Variants in SGCZ observed in about 807,000 individuals in gnomAD.
SGCZ encodes zeta-sarcoglycan.
A neutral mutation model predicts 41.3 loss-of-function variants in SGCZ; 40 were observed. That is an observed-to-expected ratio of 0.97 (90% confidence interval 0.75 to 1.26). The LOEUF is 1.26. SGCZ is among the 50% of genes most tolerant of loss of function. The pLI is 0.00. For missense variants in SGCZ, 552 were observed against 369.8 expected, an observed-to-expected ratio of 1.49 and a Z score of -4.04; for synonymous variants, 206 against 137.5, an observed-to-expected ratio of 1.50 and a Z score of -3.49.
chr8:14,886,554 G>C (rs567124348), intron 1 of SGCZ, among the ~76,000 whole-genome samples: 1 of 152,134 alleles, frequency 6.6e-6, no homozygotes, highest in Admixed American at 6.5e-5. Flanking sequence ...GGCTGGGGGA[G>C]GGAAGAAGAG....
intron 2 of SGCZ, among the ~76,000 whole-genome samples, chr8:14,436,364 G>A (rs923806177): frequency 6.6e-6 from 1 of 152,106 alleles, no homozygotes; most frequent in Non-Finnish European, 1.5e-5. Flanking sequence ...TTTGTTCTTC[G>A]CATGAACTTT....
chr8:14,623,754 T>A (rs1424345083), intron 1 of SGCZ, among the ~76,000 whole-genome samples: 1 of 152,136 alleles, frequency 6.6e-6, no homozygotes, highest in Non-Finnish European at 1.5e-5. Context: ...AGTTGAGATG[T>A]CACCGGGGTG....
intron 1 of SGCZ, among the ~76,000 whole-genome samples, chr8:15,196,009 T>C (rs1800717634): frequency 7.1e-6 from 1 of 140,458 alleles, no homozygotes; most frequent in South Asian, 2.4e-4. Flanking sequence ...GCCATTCTCC[T>C]GCCTCAGCCT....
chr8:14,634,132 T>A (rs1379671709), intron 1 of SGCZ, among the ~76,000 whole-genome samples: 1 of 151,848 alleles, frequency 6.6e-6, no homozygotes, highest in Admixed American at 6.6e-5. Context: ...GATATTCTAT[T>A]TCAGAAAAAA....
intron 1 of SGCZ, among the ~76,000 whole-genome samples, chr8:14,671,435 G>T (rs918083606): frequency 6.6e-6 from 1 of 152,126 alleles, no homozygotes; most frequent in Non-Finnish European, 1.5e-5. Flanking sequence ...AGTTTGAAAA[G>T]TATTACATAT....
chr8:14,948,907 C>G (rs1298487484), intron 1 of SGCZ, among the ~76,000 whole-genome samples: 1 of 151,582 alleles, frequency 6.6e-6, no homozygotes, highest in East Asian at 1.9e-4. Context: ...CAAAATTCCC[C>G]TTGAAAGCCA....
chr8:14,217,112 C>G (rs528511890), intron 4 of SGCZ, among the ~76,000 whole-genome samples: 1 of 152,000 alleles, frequency 6.6e-6, no homozygotes, highest in East Asian at 1.9e-4. Flanking sequence ...ACAGTTAAAC[C>G]CTGTCTATAC....
At chr8:14,741,392 A>T (rs144388560) in intron 1 of SGCZ, among the ~76,000 whole-genome samples, 10 of 152,240 alleles carry the variant, frequency 6.6e-5, no homozygotes, top group Admixed American at 1.3e-4. Context: ...AGCCTCTTAC[A>T]CATATTTTTC....
chr8:14,698,648 CATATT>C (rs1348489352), intron 1 of SGCZ, among the ~76,000 whole-genome samples: 2 of 151,860 alleles, frequency 1.3e-5, no homozygotes, highest in Non-Finnish European at 2.9e-5. Flanking sequence ...ATAATCATGA[CATATT>C]ATATCCTAAT....
Position 14,904,017 on chromosome 8 carries a change from A to G in SGCZ, c.39+333568T>C, listed in dbSNP as rs1375819516. Among the ~76,000 whole-genome samples, 6 of 152,048 alleles carry G rather than the reference A, an allele frequency of 3.9e-5. No individual in the cohort carries two copies. The East Asian group carries it at 1.2e-3, about 29-fold the overall frequency. ...ATTCAATAATGTTAGATGAGCTACA[A>G]AAAAATTTTAAAAGTCAACTAAAGG... On this transcript the variant is annotated intron_variant, in intron 1 of 7. Transcript: ENST00000382080.
chr8:14,291,553 G>T (rs561930550), intron 3 of SGCZ, among the ~76,000 whole-genome samples: 43 of 151,994 alleles, frequency 2.8e-4, no homozygotes, highest in African/African-American at 8.7e-4. Context: ...TATCTTAGCT[G>T]TCTATACTCT....
rs189389807 is a variant in SGCZ at position 14,679,174 on chromosome 8, C to T, written c.40-124248G>A. Among the ~76,000 whole-genome samples the T allele has an allele frequency of 2.6e-4, 39 of 152,252 alleles. No individual in the cohort carries two copies. In the East Asian group the frequency reaches 6.2e-3, roughly 24 times the overall value. On this transcript the variant is annotated intron_variant, in intron 1 of 7. Transcript: ENST00000382080. ...ATAATATATCACATACAATTACTTA[C>T]AATACATAATACTTGATAATGATAA...
chr8:14,093,514 G>T (rs1801751200), intron 7 of SGCZ, among the ~76,000 whole-genome samples: 1 of 151,984 alleles, frequency 6.6e-6, no homozygotes, highest in Admixed American at 6.6e-5. Flanking sequence ...AATAGCAAAA[G>T]CACTATGGCC....
intron 1 of SGCZ, among the ~76,000 whole-genome samples, chr8:14,754,946 G>A (rs776506203): frequency 8.6e-5 from 13 of 152,012 alleles, no homozygotes; most frequent in Non-Finnish European, 1.8e-4. Context: ...GCCCAGAATG[G>A]TCTCAATTCC....
intron 2 of SGCZ, among the ~76,000 whole-genome samples, chr8:14,418,416 G>T (rs562568155): frequency 3.3e-5 from 5 of 151,904 alleles, no homozygotes; most frequent in Non-Finnish European, 7.4e-5. Context: ...GAATTAGTTT[G>T]TGAGAGAAAC....
chr8:14,439,581 A>G (rs1158845624), intron 2 of SGCZ, among the ~76,000 whole-genome samples: 1 of 151,950 alleles, frequency 6.6e-6, no homozygotes, highest in Non-Finnish European at 1.5e-5. Flanking sequence ...GACATTCACC[A>G]TTAATAAACA....
intron 1 of SGCZ, among the ~76,000 whole-genome samples, chr8:15,047,127 A>G (rs1804335764): frequency 1.3e-5 from 2 of 152,058 alleles, no homozygotes; most frequent in African/African-American, 4.8e-5. Flanking sequence ...TACCTTGGGT[A>G]TATGCAATGT....
intron 1 of SGCZ, among the ~76,000 whole-genome samples, chr8:14,873,085 C>T (rs963892437): frequency 7.2e-5 from 11 of 152,004 alleles, no homozygotes; most frequent in African/African-American, 9.7e-5. Flanking sequence ...GTAATAGAAA[C>T]GATTTTAATA....
At chr8:14,251,978 G>C (rs1197874821) in intron 3 of SGCZ, among the ~76,000 whole-genome samples, 1 of 151,998 alleles carries the variant, frequency 6.6e-6, no homozygotes, top group East Asian at 1.9e-4. Context: ...CCAAAGTGTT[G>C]GGATTACAGG....
Sources: gnomAD v4.1 joint callset for allele counts (sites outside exome capture counted in the v4.1 genomes callset) on GRCh38, gnomAD v4.1.1 for gene constraint, MANE v1.5 for transcripts, NCBI Gene and HGNC (gene_info 2026-07-23, HGNC 2026-07-21) for gene names.